The following SUGCT variants were observed in gnomAD, a reference collection of about 807,000 sequenced individuals.
The protein encoded by SUGCT is succinyl-CoA:glutarate-CoA transferase.
A neutral mutation model predicts 55.0 loss-of-function variants in SUGCT; 41 were observed. That is an observed-to-expected ratio of 0.74 (90% CI 0.58 to 0.97). SUGCT has a LOEUF of 0.97. Ranked by LOEUF, SUGCT falls within the 50% of genes least tolerant of loss-of-function variation. The pLI is 0.00. For missense variants in SUGCT, 568 were observed against 547.8 expected, an observed-to-expected ratio of 1.04 and a Z score of -0.37; for synonymous variants, 187 against 200.4, an observed-to-expected ratio of 0.93 and a Z score of 0.56.
At chr7:40,172,025 G>A (rs994128402) in intron 1 of SUGCT, among the ~76,000 whole-genome samples, 4 of 151,180 alleles carry the variant, frequency 2.6e-5, no homozygotes, top group African/African-American at 4.9e-5. Context: ...CTCTCTTTTG[G>A]TAGATGGATT....
chr7:40,676,381 T>A (rs1783976504), intron 12 of SUGCT, among the ~76,000 whole-genome samples: 1 of 152,186 alleles, frequency 6.6e-6, no homozygotes, highest in Non-Finnish European at 1.5e-5. Flanking sequence ...TGCCAATATA[T>A]GTTTTCAATT....
chr7:40,232,074 C>T (rs1788754588), intron 6 of SUGCT, among the ~76,000 whole-genome samples: 1 of 152,120 alleles, frequency 6.6e-6, no homozygotes. Context: ...ACCCTCCAGC[C>T]TGGGTAATAG....
intron 9 of SUGCT, among the ~76,000 whole-genome samples, chr7:40,391,113 C>T (rs1399101352): frequency 3.3e-5 from 5 of 152,130 alleles, no homozygotes; most frequent in African/African-American, 1.2e-4. Context: ...CCCTTCCTTA[C>T]ACCTTATACA....
intron 6 of SUGCT, among the ~76,000 whole-genome samples, chr7:40,214,251 T>C (rs907327307): frequency 6.6e-6 from 1 of 152,140 alleles, no homozygotes; most frequent in African/African-American, 2.4e-5. Flanking sequence ...AATTCAACAA[T>C]GAGCAAAACA....
chr7:40,138,985 G>A (rs1787836564), intron 1 of SUGCT, among the ~76,000 whole-genome samples: 1 of 151,970 alleles, frequency 6.6e-6, no homozygotes, highest in African/African-American at 2.4e-5. Context: ...ATTAAGTTTA[G>A]GAATCAGGCT....
intron 9 of SUGCT, among the ~76,000 whole-genome samples, chr7:40,342,135 T>C (rs1261654246): frequency 3.9e-5 from 6 of 152,210 alleles, no homozygotes; most frequent in Non-Finnish European, 5.9e-5. Flanking sequence ...AGAAAGTCTA[T>C]GGCAGATACT....
At chr7:40,609,848 A>AT (rs200454956) in intron 12 of SUGCT, among the ~76,000 whole-genome samples, 17 of 151,974 alleles carry the variant, frequency 1.1e-4, no homozygotes, top group African/African-American at 3.4e-4. Flanking sequence ...TTGTTTTTTG[A>AT]TTTTTTTTAA....
At chr7:40,279,196 C>A (rs1792776123) in intron 8 of SUGCT, among the ~76,000 whole-genome samples, 2 of 152,030 alleles carry the variant, frequency 1.3e-5, no homozygotes, top group Admixed American at 6.6e-5. Flanking sequence ...CAGAATCTTA[C>A]AGTAGTTCCC....
intron 9 of SUGCT, among the ~76,000 whole-genome samples, chr7:40,355,050 A>G (rs143008196): frequency 2.0e-5 from 3 of 152,318 alleles, no homozygotes; most frequent in African/African-American, 7.2e-5. Flanking sequence ...TTCTCCATAG[A>G]GTTCCATAAA....
At chr7:40,622,917 C>T (rs1390601736) in intron 12 of SUGCT, among the ~76,000 whole-genome samples, 1 of 152,170 alleles carries the variant, frequency 6.6e-6, no homozygotes, top group East Asian at 1.9e-4. Context: ...GCTGTGTTGC[C>T]TAAGCTGTAG....
intron 9 of SUGCT, among the ~76,000 whole-genome samples, chr7:40,329,508 C>A (rs1042151026): frequency 4.6e-5 from 7 of 152,146 alleles, no homozygotes; most frequent in Admixed American, 1.3e-4. Flanking sequence ...CTATTTTTCA[C>A]CTGGAAAGTA....
chr7:41,019,594 A>G, the SUGCT span, among the ~76,000 whole-genome samples: 4 of 152,304 alleles, frequency 2.6e-5, no homozygotes, highest in South Asian at 8.3e-4. Context: ...TATACTTTGG[A>G]TAAATTACCA....
chr7:40,513,216 T>A (rs943600403), intron 12 of SUGCT, among the ~76,000 whole-genome samples: 2 of 152,176 alleles, frequency 1.3e-5, no homozygotes, highest in African/African-American at 4.8e-5. Context: ...TCAACCTTTG[T>A]CTTATACCCT....
chr7:40,709,545 A>G (rs1025203958), intron 12 of SUGCT, among the ~76,000 whole-genome samples: 2 of 152,162 alleles, frequency 1.3e-5, no homozygotes, highest in Admixed American at 6.5e-5. Flanking sequence ...GTCATTGCCA[A>G]CCCAGGGTTG....
chr7:40,469,598 C>A (rs1480891966), intron 11 of SUGCT, among the ~76,000 whole-genome samples: 1 of 152,234 alleles, frequency 6.6e-6, no homozygotes, highest in Non-Finnish European at 1.5e-5. Flanking sequence ...ACCACTGCAA[C>A]TCCAGGCAAT....
intron 12 of SUGCT, among the ~76,000 whole-genome samples, chr7:40,561,180 A>G (rs901497036): frequency 1.3e-5 from 2 of 152,212 alleles, no homozygotes; most frequent in East Asian, 1.9e-4. Context: ...AGGAAAAGCA[A>G]CTTGCTACAG....
intron 9 of SUGCT, among the ~76,000 whole-genome samples, chr7:40,400,467 C>A (rs1431149338): frequency 1.3e-5 from 2 of 152,036 alleles, no homozygotes; most frequent in Admixed American, 1.3e-4. Flanking sequence ...GATTTCTTTC[C>A]CTTGGGGTAG....
downstream of SUGCT, among the ~76,000 whole-genome samples, chr7:40,863,129 G>C (rs1200230277): frequency 2.0e-5 from 3 of 152,096 alleles, no homozygotes; most frequent in Admixed American, 1.3e-4. Flanking sequence ...CCAGCTACTT[G>C]GGCGGCTGAG....
intron 12 of SUGCT, among the ~76,000 whole-genome samples, chr7:40,626,287 C>T (rs1799523546): frequency 2.0e-5 from 3 of 151,660 alleles, no homozygotes; most frequent in South Asian, 4.2e-4. Context: ...GATGGAGTCT[C>T]ACTCTGTCAC....
Sources: gnomAD v4.1 joint callset for allele counts (sites outside exome capture counted in the v4.1 genomes callset) on GRCh38, gnomAD v4.1.1 for gene constraint, MANE v1.5 for transcripts, NCBI Gene and HGNC (gene_info 2026-07-23, HGNC 2026-07-21) for gene names.